The following SPAM1 variants were observed in gnomAD, a reference collection of about 807,000 sequenced individuals.
The protein encoded by SPAM1 is sperm adhesion molecule 1.
In SPAM1, 22 loss-of-function variants were observed where a neutral mutation model predicts 29.6. The ratio of observed to expected loss-of-function variants is 0.74; its 90% CI spans 0.53 to 1.06. The LOEUF (loss-of-function observed/expected upper bound fraction) is 1.06. Among genes scored for constraint, SPAM1 ranks in the 50% least tolerant of loss-of-function variants. The pLI, the probability that SPAM1 is intolerant of heterozygous loss-of-function variation, is 0.00. For synonymous variants in SPAM1, 194 were observed against 204.6 expected (o/e 0.95, Z 0.44); for missense variants, 534 against 604.0 (o/e 0.88, Z 1.21).
At chr7:123,947,949 AAAGTT>A (rs1039263206) in intron 1 of SPAM1, among the ~76,000 whole-genome samples, 2 of 152,132 alleles carry the variant, frequency 1.3e-5, no homozygotes, top group Non-Finnish European at 2.9e-5. Context: ...TGACACTGGG[AAAGTT>A]AAGACGAGGC....
At position 123,951,029 on chromosome 7, in the gene SPAM1, A is replaced by T. The variant is rs1808745275; in HGVS notation, c.-207+1046A>T. ...AGTTAGTGATGTTGAGCATTTTCTCATACATTTATTGGCCTCTTGTATGTC... is the reference window on the plus strand; with the variant it reads ...AGTTAGTGATGTTGAGCATTTTCTCTTACATTTATTGGCCTCTTGTATGTC... On this transcript the variant is annotated intron_variant, in intron 2 of 4. Transcript: ENST00000682466. 2.6e-5 allele frequency among the ~76,000 whole-genome samples: 4 copies of T among 152,136 alleles called. No individual in the cohort carries two copies. The South Asian group carries it at 8.3e-4, about 31-fold the overall frequency.
intron 4 of SPAM1, among the ~76,000 whole-genome samples, chr7:123,957,454 T>A (rs562261565): frequency 5.3e-5 from 8 of 151,948 alleles, no homozygotes; most frequent in Non-Finnish European, 1.0e-4. Context: ...GAAGCAAGGG[T>A]TATACAATGT....
At chr7:123,933,122 T>C (rs1490371308) in intron 1 of SPAM1, among the ~76,000 whole-genome samples, 1 of 152,000 alleles carries the variant, frequency 6.6e-6, no homozygotes, top group Non-Finnish European at 1.5e-5. Context: ...GTTACATAGG[T>C]ATACATGTGC....
chr7:123,947,811 AC>A (rs1186775045), intron 1 of SPAM1: 1 of 152,152 alleles, frequency 6.6e-6, no homozygotes, highest in Non-Finnish European at 1.5e-5. Context: ...TGTTCTTTCT[AC>A]TGCATAGCTT....
At chr7:123,942,796 T>C (rs574057765) in intron 1 of SPAM1, among the ~76,000 whole-genome samples, 1 of 152,278 alleles carries the variant, frequency 6.6e-6, no homozygotes, top group African/African-American at 2.4e-5. Flanking sequence ...AAGGGGCTTT[T>C]ATTGCCTCTT....
chr7:123,961,906 T>G (rs1029683576), downstream of SPAM1, among the ~76,000 whole-genome samples: 2 of 151,904 alleles, frequency 1.3e-5, no homozygotes, highest in African/African-American at 4.8e-5. Context: ...TATGAAATCA[T>G]CAGGTCTTGA....
chr7:123,940,484 C>CTT (rs544377082), intron 1 of SPAM1, among the ~76,000 whole-genome samples: 3 of 138,456 alleles, frequency 2.2e-5, no homozygotes, highest in African/African-American at 8.0e-5. Flanking sequence ...ACTTACCATG[C>CTT]TTTTTTTTTT....
At chr7:123,944,359 AG>A (rs1391039341) in intron 1 of SPAM1, among the ~76,000 whole-genome samples, 1 of 152,166 alleles carries the variant, frequency 6.6e-6, no homozygotes, top group Non-Finnish European at 1.5e-5. Context: ...GGACTGTAAA[AG>A]CACCTGCAGA....
intron 5 of SPAM1, among the ~76,000 whole-genome samples, chr7:123,965,663 T>C (rs1343635811): frequency 6.6e-6 from 1 of 152,012 alleles, no homozygotes; most frequent in African/African-American, 2.4e-5. Flanking sequence ...TTGATCTATG[T>C]GTTTATTTTG....
chr7:123,935,347 C>T (rs1479879962), intron 1 of SPAM1, among the ~76,000 whole-genome samples: 1 of 152,108 alleles, frequency 6.6e-6, no homozygotes, highest in African/African-American at 2.4e-5. Flanking sequence ...GTTTTATATA[C>T]ATTATTTCAT....
intron 1 of SPAM1, among the ~76,000 whole-genome samples, chr7:123,929,895 ATTTTTT>A (rs71163712): frequency 5.8e-5 from 7 of 119,830 alleles, no homozygotes; most frequent in Non-Finnish European, 8.7e-5. Context: ...GTGTTTAGGG[ATTTTTT>A]TTTTTTTTTT....
At chr7:123,970,036 G>A (rs1008870930) in intron 5 of SPAM1, among the ~76,000 whole-genome samples, 9 of 152,014 alleles carry the variant, frequency 5.9e-5, no homozygotes, top group Non-Finnish European at 1.5e-5. Flanking sequence ...CCCCAGCTTA[G>A]TGTTTCCTTA....
exon 7 of SPAM1, chr7:123,971,142 C>T (rs1792493634): frequency 1.3e-5 from 2 of 151,988 alleles, no homozygotes; most frequent in African/African-American, 4.8e-5. Context: ...ATGGTATTAT[C>T]CTTAACCTTT....
At chr7:123,964,435 T>C (rs1239274469), downstream of SPAM1, among the ~76,000 whole-genome samples, 2 of 151,982 alleles carry the variant, frequency 1.3e-5, no homozygotes, top group Non-Finnish European at 2.9e-5. Flanking sequence ...AGGATAAATA[T>C]ACAATTATGT....
chr7:123,959,478 T>A lies in SPAM1; in HGVS notation c.1045-6T>A, dbSNP rs780448359. 1.3e-6 allele frequency: 2 copies of A among 1,565,752 alleles called. No individual in the cohort carries two copies. Among genetic ancestry groups the A allele is most frequent in the Admixed American group, 1.9e-5 (1 of 53,630 alleles). Reference sequence around the variant, plus strand: ...ATATTCTGACTGTCTTATAATAATTTTACAGAAATCTTGCTTGCTCCTAGA... The same window carrying A: ...ATATTCTGACTGTCTTATAATAATTATACAGAAATCTTGCTTGCTCCTAGA... On this transcript the variant is annotated splice_polypyrimidine_tract_variant and splice_region_variant and intron_variant, in intron 4 of 4. Transcript: ENST00000682466.
At chr7:123,934,815 G>A (rs555339386) in intron 1 of SPAM1, among the ~76,000 whole-genome samples, 1 of 152,232 alleles carries the variant, frequency 6.6e-6, no homozygotes, top group Admixed American at 6.5e-5. Flanking sequence ...GTAGAATAGT[G>A]ATTACTAGAA....
intron 5 of SPAM1, among the ~76,000 whole-genome samples, chr7:123,967,729 G>T (rs1425364940): frequency 6.6e-6 from 1 of 151,842 alleles, no homozygotes; most frequent in Non-Finnish European, 1.5e-5. Flanking sequence ...GGGCTGGAAA[G>T]GTAGGTGTCA....
At chr7:123,952,154 G>A (rs1190603649) in intron 2 of SPAM1, among the ~76,000 whole-genome samples, 1 of 151,992 alleles carries the variant, frequency 6.6e-6, no homozygotes, top group African/African-American at 2.4e-5. Flanking sequence ...GAATAAAGAA[G>A]TTTATAAATA....
chr7:123,964,287 G>A (rs1792395380), downstream of SPAM1, among the ~76,000 whole-genome samples: 1 of 151,320 alleles, frequency 6.6e-6, no homozygotes, highest in African/African-American at 2.4e-5. Flanking sequence ...TCATTTATTT[G>A]GTTTCTAATC....
Sources: gnomAD v4.1 joint callset for allele counts (sites outside exome capture counted in the v4.1 genomes callset) on GRCh38, gnomAD v4.1.1 for gene constraint, MANE v1.5 for transcripts, NCBI Gene and HGNC (gene_info 2026-07-23, HGNC 2026-07-21) for gene names.